Variants in FTO observed in about 807,000 individuals in gnomAD.
FTO encodes the protein alpha-ketoglutarate-dependent dioxygenase FTO.
A neutral mutation model predicts 63.9 loss-of-function variants in FTO; 47 were observed. The observed-to-expected ratio is 0.74, with a 90% CI of 0.58 to 0.94. The LOEUF (loss-of-function observed/expected upper bound fraction) is 0.94. Among genes scored for constraint, FTO ranks in the 40% least tolerant of loss-of-function variants. The pLI is 0.00. For synonymous variants in FTO, 207 were observed against 224.4 expected, an observed-to-expected ratio of 0.92 and a Z score of 0.69; for missense variants, 562 against 618.1, an observed-to-expected ratio of 0.91 and a Z score of 0.96.
At chr16:54,092,219 T>C (rs1393883785) in intron 8 of FTO, among the ~76,000 whole-genome samples, 3 of 152,100 alleles carry the variant, frequency 2.0e-5, no homozygotes, top group African/African-American at 7.2e-5. Context: ...AGAGGTCAAG[T>C]CTGCAGTGCA....
At chr16:53,811,256 T>G (rs1422308507) in intron 2 of FTO, among the ~76,000 whole-genome samples, 1 of 152,120 alleles carries the variant, frequency 6.6e-6, no homozygotes, top group East Asian at 1.9e-4. Flanking sequence ...AAATAATAAA[T>G]TTTCACCTCT....
In FTO at chr16:53,894,533, C is replaced by A. The variant is rs1481556063; in HGVS notation, c.1239+5582C>A. 2.6e-5 allele frequency among the ~76,000 whole-genome samples: 4 copies of A among 152,058 alleles called. No individual in the cohort carries two copies. In the East Asian group the frequency reaches 7.7e-4, roughly 29 times the overall value. On this transcript the variant is annotated intron_variant, in intron 7 of 8. Coordinates refer to ENST00000471389, the MANE Select transcript of FTO (RefSeq NM_001080432.3). ...AATTAGCTAAGTTTATTTTAAACTT[C>A]CTTCTAGGATTGAAGATTTTTGGGG...
At chr16:53,803,579 G>A (rs2078281981) in intron 1 of FTO, among the ~76,000 whole-genome samples, 1 of 152,124 alleles carries the variant, frequency 6.6e-6, no homozygotes, top group South Asian at 2.1e-4. Context: ...TTGTTTTTCA[G>A]TTAAAAATTA....
intron 5 of FTO, among the ~76,000 whole-genome samples, chr16:53,877,518 G>A (rs991738851): frequency 4.6e-5 from 7 of 152,134 alleles, no homozygotes; most frequent in African/African-American, 1.7e-4. Flanking sequence ...GTAGATTAGT[G>A]GTTGCCTAGG....
chr16:53,856,810 A>G (rs2080014270), intron 4 of FTO, among the ~76,000 whole-genome samples: 1 of 152,066 alleles, frequency 6.6e-6, no homozygotes, highest in Admixed American at 6.6e-5. Context: ...ACATACCTAA[A>G]GGTACAAAGA....
intron 1 of FTO, among the ~76,000 whole-genome samples, chr16:53,717,230 G>A (rs963428804): frequency 3.3e-5 from 5 of 151,922 alleles, no homozygotes; most frequent in Non-Finnish European, 7.4e-5. Flanking sequence ...GGGAGGTAAT[G>A]CCAGTTTCCA....
At chr16:53,845,879 G>T (rs946559995) in intron 4 of FTO, among the ~76,000 whole-genome samples, 1 of 152,126 alleles carries the variant, frequency 6.6e-6, no homozygotes, top group Non-Finnish European at 1.5e-5. Context: ...CACTTAATGT[G>T]ATGTCCCTTT....
At chr16:54,104,891 C>A (rs1006238589) in intron 8 of FTO, among the ~76,000 whole-genome samples, 1 of 152,186 alleles carries the variant, frequency 6.6e-6, no homozygotes, top group African/African-American at 2.4e-5. Flanking sequence ...TTCTGGCCAG[C>A]GTTGCATGAT....
intron 8 of FTO, among the ~76,000 whole-genome samples, chr16:54,022,851 A>T (rs773420200): frequency 1.4e-4 from 21 of 152,220 alleles, no homozygotes; most frequent in Non-Finnish European, 2.8e-4. Flanking sequence ...TCCAACATCA[A>T]TCTTAATAGT....
At chr16:53,712,786 A>G (rs2075805912) in intron 1 of FTO, among the ~76,000 whole-genome samples, 1 of 152,186 alleles carries the variant, frequency 6.6e-6, no homozygotes, top group Non-Finnish European at 1.5e-5. Context: ...GTGAAGAAAG[A>G]TTAAATGGTT....
At chr16:53,977,669 T>C (rs564369931) in intron 8 of FTO, among the ~76,000 whole-genome samples, 5 of 152,316 alleles carry the variant, frequency 3.3e-5, no homozygotes, top group Admixed American at 6.5e-5. Flanking sequence ...CTATCTTCTT[T>C]ATGGGGAGAG....
At chr16:53,741,819 G>A (rs1221680993) in intron 1 of FTO, among the ~76,000 whole-genome samples, 1 of 152,194 alleles carries the variant, frequency 6.6e-6, no homozygotes, top group Non-Finnish European at 1.5e-5. Flanking sequence ...AGCTTAGCTA[G>A]TTGTCTCTGG....
At chr16:53,966,555 G>T (rs2083201206) in intron 8 of FTO, among the ~76,000 whole-genome samples, 1 of 152,134 alleles carries the variant, frequency 6.6e-6, no homozygotes, top group Non-Finnish European at 1.5e-5. Context: ...TCATAGAGCA[G>T]GTCTTTCTCT....
At position 54,014,560 on chromosome 16, in the gene FTO, T is replaced by C. The variant is rs550579054; in HGVS notation, c.1364+80451T>C. Among the ~76,000 whole-genome samples, 5 of 152,234 alleles carry C rather than the reference T, an allele frequency of 3.3e-5. No homozygotes were observed. In the South Asian group the frequency reaches 8.3e-4, roughly 25 times the overall value. The stretch of plus-strand genomic sequence containing the variant: ...TGAGCCAAATAAACTTCTTTTTTTA[T>C]AAATTACCCAGCCTCGGGTGTTCCT... On this transcript the variant is annotated intron_variant, in intron 8 of 8. Transcript: ENST00000471389.
chr16:53,815,430 A>G (rs543408183), intron 2 of FTO, among the ~76,000 whole-genome samples: 1 of 152,154 alleles, frequency 6.6e-6, no homozygotes, highest in South Asian at 2.1e-4. Context: ...TCCCACAGAC[A>G]CTGCCTCAAC....
chr16:53,911,818 G>T (rs1444286880), intron 7 of FTO, among the ~76,000 whole-genome samples: 1 of 152,222 alleles, frequency 6.6e-6, no homozygotes, highest in Non-Finnish European at 1.5e-5. Context: ...CTCTAAAATT[G>T]CACTGGGCTC....
At chr16:53,935,906 G>A (rs576406145) in intron 8 of FTO, 4 of 152,252 alleles carry the variant, frequency 2.6e-5, no homozygotes, top group East Asian at 1.9e-4. Context: ...TCGCCCTCAC[G>A]ATGATTCCAA....
intron 7 of FTO, among the ~76,000 whole-genome samples, chr16:53,915,139 G>C (rs1282087478): frequency 6.6e-6 from 1 of 152,104 alleles, no homozygotes; most frequent in Admixed American, 6.5e-5. Flanking sequence ...AGAATTTTGG[G>C]GGACCATTTT....
At chr16:53,949,545 T>G (rs1312756876) in intron 8 of FTO, among the ~76,000 whole-genome samples, 3 of 152,204 alleles carry the variant, frequency 2.0e-5, no homozygotes, top group Non-Finnish European at 4.4e-5. Flanking sequence ...CAGCCCCAAC[T>G]GTACCAAAGG....
Sources: gnomAD v4.1 joint callset for allele counts (sites outside exome capture counted in the v4.1 genomes callset) on GRCh38, gnomAD v4.1.1 for gene constraint, MANE v1.5 for transcripts, NCBI Gene and HGNC (gene_info 2026-07-23, HGNC 2026-07-21) for gene names.